The following ESF1 variants were observed in gnomAD, a reference collection of about 807,000 sequenced individuals.
ESF1 encodes ESF1 homolog.
In ESF1, 58 loss-of-function variants were observed where a neutral mutation model predicts 92.0. The ratio of observed to expected loss-of-function variants is 0.63; its 90% CI spans 0.51 to 0.78. ESF1 has a LOEUF of 0.78. Ranked by LOEUF, ESF1 falls within the 30% of genes least tolerant of loss-of-function variation. The pLI is 0.00. For synonymous variants in ESF1, 321 were observed against 313.7 expected (o/e 1.02, Z -0.24); for missense variants, 922 against 989.1 (o/e 0.93, Z 0.91).
intron 9 of ESF1, among the ~76,000 whole-genome samples, chr20:13,744,251 T>C (rs1294469476): frequency 6.6e-6 from 1 of 152,122 alleles, no homozygotes; most frequent in Non-Finnish European, 1.5e-5. Flanking sequence ...AAAGACACTA[T>C]AAAGAAAGTA....
At chr20:13,759,647 T>C (rs376715357) in intron 9 of ESF1, 45 bp downstream of exon 9, 3 of 1,559,632 alleles carry the variant, frequency 1.9e-6, no homozygotes, top group African/African-American at 2.8e-5. Flanking sequence ...GTACTCAACA[T>C]GCTGAAATTC....
At chr20:13,732,743 T>C (rs1419902715) in intron 10 of ESF1, among the ~76,000 whole-genome samples, 2 of 152,154 alleles carry the variant, frequency 1.3e-5, no homozygotes, top group African/African-American at 2.4e-5. Context: ...ACTTCCAGAA[T>C]GCTGCATTTC....
At chr20:13,736,256 G>C (rs868670745) in intron 9 of ESF1, among the ~76,000 whole-genome samples, 33 of 152,096 alleles carry the variant, frequency 2.2e-4, no homozygotes, top group African/African-American at 7.5e-4. Context: ...CTAGATGCTA[G>C]TAACTCCAGG....
At position 13,782,821 on chromosome 20, in the gene ESF1, G is replaced by C; in HGVS notation, c.320C>G (p.Ser107Ter). ...TTTCTTTTTCTCAACTAGATTTTTT[G>C]AATCGATTTCTTTTTTAGTCTGGGT... is the stretch of plus-strand genomic sequence containing the variant. Reference protein sequence around the residue: ...KKTQTKKEIDSKNLVEKKKET... With the variant: ...KKTQTKKEID Residue 107 changes from serine to a stop codon, truncating the protein, a stop_gained, in exon 2 of 14, where the codon TCA becomes TGA. Coordinates refer to ENST00000617257, the MANE Select transcript of ESF1 (RefSeq NM_001276380.2). LOFTEE classifies it high-confidence loss of function. 6.2e-7 allele frequency: 1 copy of C among 1,602,160 alleles called. No homozygotes were observed. Among genetic ancestry groups the C allele is most frequent in the South Asian group, 1.1e-5 (1 of 86,994 alleles).
At chr20:13,780,810 C>CA (rs1409183919) in intron 2 of ESF1, among the ~76,000 whole-genome samples, 3 of 152,162 alleles carry the variant, frequency 2.0e-5, no homozygotes, top group Non-Finnish European at 4.4e-5. Context: ...CTGGAGGTGA[C>CA]AAAAAATTTT....
intron 9 of ESF1, among the ~76,000 whole-genome samples, chr20:13,752,943 T>C (rs1367301088): frequency 2.6e-5 from 4 of 152,138 alleles, no homozygotes; most frequent in African/African-American, 7.2e-5. Flanking sequence ...GAGAAGTCCT[T>C]GCCAGCGTGA....
At chr20:13,725,142 C>A (rs928143060) in intron 11 of ESF1, among the ~76,000 whole-genome samples, 1 of 152,216 alleles carries the variant, frequency 6.6e-6, no homozygotes. Context: ...CCTGTTTCTA[C>A]GTCCCTACCC....
At chr20:13,772,172 A>G (rs115638416) in intron 5 of ESF1, among the ~76,000 whole-genome samples, 1 of 151,876 alleles carries the variant, frequency 6.6e-6, no homozygotes, top group Non-Finnish European at 1.5e-5. Flanking sequence ...ATTTGAAGGC[A>G]AACAGAGCTT....
intron 9 of ESF1, among the ~76,000 whole-genome samples, chr20:13,742,979 C>T (rs1352505814): frequency 6.6e-6 from 1 of 152,178 alleles, no homozygotes; most frequent in Non-Finnish European, 1.5e-5. Context: ...TGTTGACCAT[C>T]TTCTTTCACT....
At chr20:13,729,584 T>G (rs1044696257) in intron 10 of ESF1, among the ~76,000 whole-genome samples, 1 of 152,216 alleles carries the variant, frequency 6.6e-6, no homozygotes, top group Admixed American at 6.5e-5. Flanking sequence ...CTGAATTACT[T>G]GAAGTAGTGC....
At chr20:13,748,585 TA>T (rs1568718465) in intron 9 of ESF1, among the ~76,000 whole-genome samples, 4 of 70,052 alleles carry the variant, frequency 5.7e-5, no homozygotes, top group Non-Finnish European at 1.1e-4. Flanking sequence ...TATATATATA[TA>T]TATATATTTT....
At chr20:13,716,818 T>G (rs2049830701) in intron 13 of ESF1, among the ~76,000 whole-genome samples, 1 of 117,642 alleles carries the variant, frequency 8.5e-6, no homozygotes, top group African/African-American at 3.4e-5. Context: ...TTTTTTTTTT[T>G]TTTTTTTTTT....
intron 8 of ESF1, among the ~76,000 whole-genome samples, chr20:13,764,665 A>G (rs1033399474): frequency 6.6e-6 from 1 of 152,172 alleles, no homozygotes; most frequent in African/African-American, 2.4e-5. Flanking sequence ...AAACGTTACT[A>G]AGAAAATCAC....
chr20:13,757,908 A>T (rs1182607796), intron 9 of ESF1, among the ~76,000 whole-genome samples: 3 of 152,242 alleles, frequency 2.0e-5, no homozygotes, highest in Non-Finnish European at 2.9e-5. Context: ...ATATTCAATA[A>T]GCTCATTCTA....
At chr20:13,778,178 G>A (rs1469370360) in intron 2 of ESF1, among the ~76,000 whole-genome samples, 1 of 152,142 alleles carries the variant, frequency 6.6e-6, no homozygotes, top group Non-Finnish European at 1.5e-5. Context: ...AAGGCATCTT[G>A]TTAGAAGGAA....
chr20:13,773,751 C>T (rs973515203), intron 4 of ESF1, among the ~76,000 whole-genome samples: 4 of 151,978 alleles, frequency 2.6e-5, no homozygotes, highest in South Asian at 2.1e-4. Flanking sequence ...GCCAAAAGGC[C>T]GAGAAGCGAC....
In ESF1 at chr20:13,748,632, G is replaced by C. The variant is rs1391007505; in HGVS notation, c.1828+11060C>G. 9.6e-5 allele frequency among the ~76,000 whole-genome samples: 14 copies of C among 145,094 alleles called. No individual in the cohort carries two copies. In the Admixed American group the frequency reaches 9.7e-4, roughly 10 times the overall value. ...AGATGGAGTGTTGCTCTGTTCCCCA[G>C]GCTGGAGTGCAGTGGCGCGATCTTG... On this transcript the variant is annotated intron_variant, in intron 9 of 13. Transcript: ENST00000617257.
At chr20:13,729,508 C>G (rs1426809799) in intron 10 of ESF1, among the ~76,000 whole-genome samples, 2 of 152,158 alleles carry the variant, frequency 1.3e-5, no homozygotes, top group African/African-American at 4.8e-5. Context: ...GAGAAGAATA[C>G]TTTTAGATGG....
chr20:13,735,720 A>G (rs979115234), intron 9 of ESF1, among the ~76,000 whole-genome samples: 5 of 152,130 alleles, frequency 3.3e-5, no homozygotes, highest in Admixed American at 6.5e-5. Flanking sequence ...TAATTTCCTC[A>G]TGCATTAAGA....
Sources: gnomAD v4.1 joint callset for allele counts (sites outside exome capture counted in the v4.1 genomes callset) on GRCh38, gnomAD v4.1.1 for gene constraint, MANE v1.5 for transcripts, NCBI Gene and HGNC (gene_info 2026-07-23, HGNC 2026-07-21) for gene names.